Variants in TRUB1 observed in about 807,000 individuals in gnomAD.
TRUB1 encodes pseudouridylate synthase TRUB1.
A neutral mutation model predicts 33.9 loss-of-function variants in TRUB1; 23 were observed. The ratio of observed to expected loss-of-function variants is 0.68; its 90% CI spans 0.49 to 0.96. The LOEUF is 0.96. TRUB1 is among the 40% of genes least tolerant of loss of function. The probability of loss-of-function intolerance (pLI) is 0.00; values close to 1 mark genes in which losing one functional copy is unlikely to be tolerated. For missense variants in TRUB1, 378 were observed against 422.2 expected (o/e 0.90, Z 0.92); for synonymous variants, 163 against 165.4 (o/e 0.99, Z 0.11).
At chr10:114,946,049 A>G (rs1003906691) in intron 2 of TRUB1, among the ~76,000 whole-genome samples, 8 of 152,220 alleles carry the variant, frequency 5.3e-5, no homozygotes, top group African/African-American at 1.9e-4. Context: ...TTTGTTGTCC[A>G]AGTTAGCAGT....
At chr10:114,964,487 CT>C (rs1375084286) in intron 4 of TRUB1, among the ~76,000 whole-genome samples, 1 of 152,048 alleles carries the variant, frequency 6.6e-6, no homozygotes, top group Non-Finnish European at 1.5e-5. Flanking sequence ...TGTGGCTTGC[CT>C]TTTTCCTCTC....
In TRUB1 at chr10:114,973,878, T is replaced by C. The variant is rs1294529617; in HGVS notation, c.737-451T>C. On this transcript the variant is annotated intron_variant, in intron 6 of 7. Transcript: ENST00000298746. ...GTTGGTTGGTTGGTTGGTTGTATTT[T>C]TTTTGAATGTACAAGTCAGAAAATA... Among the ~76,000 whole-genome samples the C allele has an allele frequency of 2.0e-5, 3 of 152,188 alleles. No individual in the cohort carries two copies. In the East Asian group the frequency reaches 5.8e-4, roughly 29 times the overall value.
intron 4 of TRUB1, among the ~76,000 whole-genome samples, chr10:114,964,913 T>C (rs1180511593): frequency 1.3e-5 from 2 of 151,528 alleles, no homozygotes; most frequent in African/African-American, 4.9e-5. Context: ...TTATTTCTTA[T>C]AGATTTTTTT....
intron 4 of TRUB1, among the ~76,000 whole-genome samples, chr10:114,964,263 CT>C (rs1194732288): frequency 6.6e-6 from 1 of 151,910 alleles, no homozygotes; most frequent in Non-Finnish European, 1.5e-5. Flanking sequence ...GTGTTTTTGG[CT>C]TATTAGCCAT....
chr10:114,964,551 G>A (rs1334416956), intron 4 of TRUB1, among the ~76,000 whole-genome samples: 3 of 152,008 alleles, frequency 2.0e-5, no homozygotes, highest in African/African-American at 7.2e-5. Flanking sequence ...AGCTTATCAG[G>A]CCTTCTCCTT....
intron 2 of TRUB1, among the ~76,000 whole-genome samples, chr10:114,946,752 G>T (rs1321851191): frequency 6.6e-6 from 1 of 151,978 alleles, no homozygotes; most frequent in Non-Finnish European, 1.5e-5. Flanking sequence ...TAATGGTGCA[G>T]ATTAAGAATT....
intron 4 of TRUB1, among the ~76,000 whole-genome samples, chr10:114,964,705 C>T (rs1158620203): frequency 6.6e-6 from 1 of 152,136 alleles, no homozygotes; most frequent in Non-Finnish European, 1.5e-5. Context: ...GCATGGATGT[C>T]CAGTTGCTTC....
chr10:114,942,827 A>C, intron 2 of TRUB1, 84 bp downstream of exon 2: 1 of 874,336 alleles, frequency 1.1e-6, no homozygotes, highest in Non-Finnish European at 1.9e-6. Flanking sequence ...AGATTGACTA[A>C]AGCCTTCTAT....
chr10:114,942,346 A>G (rs1459099248), intron 1 of TRUB1, among the ~76,000 whole-genome samples: 1 of 152,118 alleles, frequency 6.6e-6, no homozygotes, highest in Non-Finnish European at 1.5e-5. Flanking sequence ...AATTTACTAG[A>G]TTTTTGCGGG....
chr10:114,975,351 G>A lies in TRUB1; in HGVS notation c.1022G>A (p.Arg341Lys). The A allele has an allele frequency of 6.3e-7, 1 of 1,593,510 alleles. No homozygotes were observed. Among genetic ancestry groups the A allele is most frequent in the Non-Finnish European group, 8.6e-7 (1 of 1,168,660 alleles). Residue 341 changes from arginine to lysine, a missense_variant, in exon 8 of 8, where the codon AGA becomes AAA. By Grantham distance (26) the Arg-to-Lys change is conservative. Transcript: ENST00000298746. ...CEYITLNEPK[R>K]EDDVIKTC ...TATATAACTCTAAATGAGCCAAAGA[G>A]AGAAGATGATGTAATTAAGACGTGT... is the stretch of plus-strand genomic sequence containing the variant.
At chr10:114,961,570 A>G (rs962037305) in intron 4 of TRUB1, among the ~76,000 whole-genome samples, 1 of 152,216 alleles carries the variant, frequency 6.6e-6, no homozygotes, top group African/African-American at 2.4e-5. Context: ...ACCTTAAAGA[A>G]AGCTCAGTTT....
chr10:114,972,383 A>G, intron 6 of TRUB1, 109 bp downstream of exon 6: 2 of 1,282,728 alleles, frequency 1.6e-6, no homozygotes, highest in Non-Finnish European at 2.1e-6. Flanking sequence ...GATTTTTTAA[A>G]ATTTGAATTT....
In TRUB1 at chr10:114,976,049, A is replaced by G. The variant is rs1228948187; in HGVS notation, c.*670A>G. 6.6e-6 allele frequency: 1 copy of G among 152,576 alleles called. No homozygotes were observed. Among genetic ancestry groups the G allele is most frequent in the Non-Finnish European group, 1.5e-5 (1 of 68,000 alleles). The allele number at this position is 152,576 out of a possible 1,614,324, so 9.5% of individuals were successfully genotyped here. A position where few individuals can be genotyped will look rare whatever the true frequency, so the allele number is the denominator to read the frequency against. On this transcript the variant is annotated 3_prime_UTR_variant, in exon 8 of 8. Coordinates refer to ENST00000298746, the MANE Select transcript of TRUB1 (RefSeq NM_139169.5). ...ACTTAATTAAAGTCACCTTCCTACC[A>G]TTAGAGCAGAAGACAGCTCCTATAG...
intron 2 of TRUB1, among the ~76,000 whole-genome samples, chr10:114,944,958 A>G (rs2084205379): frequency 6.6e-6 from 1 of 152,186 alleles, no homozygotes; most frequent in Non-Finnish European, 1.5e-5. Flanking sequence ...GCACCCCAAA[A>G]AAACAAGCAC....
At chr10:114,971,531 G>C (rs951290504) in intron 5 of TRUB1, among the ~76,000 whole-genome samples, 1 of 151,134 alleles carries the variant, frequency 6.6e-6, no homozygotes, top group Non-Finnish European at 1.5e-5. Flanking sequence ...ATTTTAGCAA[G>C]ATCTGCATAA....
intron 1 of TRUB1, among the ~76,000 whole-genome samples, chr10:114,940,419 C>T (rs1237922943): frequency 6.6e-6 from 1 of 152,222 alleles, no homozygotes. Context: ...CCACTCCCGG[C>T]CTTGGGAAGG....
chr10:114,965,302 G>A (rs1278151572), intron 4 of TRUB1, among the ~76,000 whole-genome samples: 2 of 151,406 alleles, frequency 1.3e-5, no homozygotes, highest in African/African-American at 4.9e-5. Context: ...GCTGAGTTCT[G>A]GTTTTTTAAA....
intron 4 of TRUB1, among the ~76,000 whole-genome samples, chr10:114,968,076 C>T (rs900096936): frequency 6.6e-6 from 1 of 151,838 alleles, no homozygotes; most frequent in African/African-American, 2.4e-5. Flanking sequence ...ATAATACGTA[C>T]GTGTGTGTAT....
intron 3 of TRUB1, among the ~76,000 whole-genome samples, chr10:114,959,385 C>G (rs1368531723): frequency 3.9e-5 from 6 of 152,084 alleles, no homozygotes; most frequent in African/African-American, 1.4e-4. Context: ...TCTCTCTACT[C>G]ATGGATAGAC....
Sources: allele counts gnomAD v4.1 joint callset (sites outside exome capture counted in the v4.1 genomes callset), GRCh38; gene constraint gnomAD v4.1.1; transcripts MANE v1.5; gene names NCBI Gene and HGNC (gene_info 2026-07-23, HGNC 2026-07-21).